BCLAF3: variants seen among roughly 807,000 people sequenced by gnomAD.
BCLAF3 encodes the protein BCLAF1 and THRAP3 family member 3.
In BCLAF3, 24 loss-of-function variants were observed where a neutral mutation model predicts 51.2. The observed-to-expected ratio is 0.47, with a 90% CI of 0.34 to 0.66. The LOEUF is 0.66. BCLAF3 is among the 30% of genes least tolerant of loss of function. The probability of loss-of-function intolerance (pLI) is 0.01; values close to 1 mark genes in which losing one functional copy is unlikely to be tolerated. For synonymous variants in BCLAF3, 152 were observed against 176.6 expected (o/e 0.86, Z 1.10); for missense variants, 465 against 525.1 (o/e 0.89, Z 1.12).
chrX:19,933,450 TAGTTAACAAA>T lies in BCLAF3; in HGVS notation c.1950+2349_1950+2358del, dbSNP rs767099807. Among the ~76,000 whole-genome samples, 546 of 112,469 alleles carry T rather than the reference TAGTTAACAAA, an allele frequency of 4.9e-3. 1 individual carries two copies. Among genetic ancestry groups the T allele is most frequent in the Non-Finnish European group, 8.0e-3 (428 of 53,320 alleles). On this transcript the variant is annotated intron_variant, in intron 10 of 11. Coordinates refer to ENST00000379682, the MANE Select transcript of BCLAF3 (RefSeq NM_001367774.2). ...GCGCAAATGATGTATTACAACGGAATAGTTAACAAAACTAAGCAGATTCTTCTTTTCACAA... is the reference window on the plus strand; with the variant it reads ...GCGCAAATGATGTATTACAACGGAATACTAAGCAGATTCTTCTTTTCACAA...
chrX:19,921,007 G>A (rs2070136514), intron 11 of BCLAF3, among the ~76,000 whole-genome samples: 1 of 111,298 alleles, frequency 9.0e-6, no homozygotes, highest in Non-Finnish European at 1.9e-5. Flanking sequence ...TGGGGCTCAG[G>A]AGGCTATTTC....
chrX:19,978,387 G>T (rs775339455), intron 1 of BCLAF3, among the ~76,000 whole-genome samples: 2 of 111,556 alleles, frequency 1.8e-5, no homozygotes, highest in Non-Finnish European at 3.8e-5. Flanking sequence ...CAACTCTCAC[G>T]GATGATTTTG....
At chrX:19,955,638 G>A in intron 4 of BCLAF3, 72 bp from the exon 5 acceptor site, 4 of 898,541 alleles carry the variant, frequency 4.5e-6, no homozygotes, top group Non-Finnish European at 3.1e-6. Flanking sequence ...CAAAAATTAA[G>A]ATAGCTACAA....
intron 1 of BCLAF3, among the ~76,000 whole-genome samples, chrX:19,983,322 C>A (rs895916594): frequency 1.9e-5 from 2 of 107,000 alleles, no homozygotes; most frequent in Non-Finnish European, 1.9e-5. Flanking sequence ...ACACCTGTAA[C>A]CCCAGCACTT....
At chrX:19,986,327 A>G (rs190187561) in intron 1 of BCLAF3, among the ~76,000 whole-genome samples, 488 of 112,436 alleles carry the variant, frequency 4.3e-3, no homozygotes, top group African/African-American at 0.015. Flanking sequence ...AAAGTTATAA[A>G]GGAAATATCA....
In BCLAF3 at chrX:19,925,779, G is replaced by C. The variant is rs1182641444; in HGVS notation, c.2106+4006C>G. Among the ~76,000 whole-genome samples, 4 of 112,036 alleles carry C rather than the reference G, an allele frequency of 3.6e-5. No homozygotes were observed. The Admixed American group carries it at 3.8e-4, about 11-fold the overall frequency. ...TTTTTTTGAAGGCACGAAGGCCTGA[G>C]ATAAAATGGACTAATAGGTCTAAGC... On this transcript the variant is annotated intron_variant, in intron 11 of 11. Coordinates refer to ENST00000379682, the MANE Select transcript of BCLAF3 (RefSeq NM_001367774.2).
chrX:19,935,877 C>A lies in BCLAF3; in HGVS notation c.1882G>T (p.Asp628Tyr). 8.3e-7 allele frequency: 1 copy of A among 1,208,038 alleles called. No individual in the cohort carries two copies. The highest frequency in any genetic ancestry group is 1.1e-6 in the Non-Finnish European group (1 of 892,501). The change falls in exon 10 of 12, where the codon GAC (aspartate) becomes TAC (tyrosine). Residue 628 changes from aspartate (D) to tyrosine (Y), a missense_variant. By Grantham distance (160) the Asp-to-Tyr change is radical. Coordinates refer to ENST00000379682, the MANE Select transcript of BCLAF3 (RefSeq NM_001367774.2). ...PYMNYTTQRKDIITHKPFEVE... is the reference protein window; with the variant it reads ...PYMNYTTQRKYIITHKPFEVE... ...TCAAATGGTTTGTGAGTAATTATGT[C>A]TTTTCTCTGCGTAGTATAATTCTGC...
intron 11 of BCLAF3, among the ~76,000 whole-genome samples, chrX:19,924,548 G>A (rs1056128918): frequency 9.0e-6 from 1 of 110,758 alleles, no homozygotes; most frequent in Non-Finnish European, 1.9e-5. Flanking sequence ...CGTACTCCAT[G>A]ACTTTCAAGG....
Position 19,941,589 on chromosome X carries a change from T to C in BCLAF3, c.1746-4057A>G, listed in dbSNP as rs1444111064. 5.9e-3 allele frequency among the ~76,000 whole-genome samples: 639 copies of C among 109,123 alleles called. 1 individual carries two copies. The highest frequency in any genetic ancestry group is 9.3e-3 in the Non-Finnish European group (491 of 52,528). The allele number at this position is 109,123 out of a possible 115,157, so 94.8% of individuals were successfully genotyped here. On this transcript the variant is annotated intron_variant, in intron 8 of 11. Transcript: ENST00000379682. ...CAAAGATCAGATAGTTGTAGATATG[T>C]GGCGTTATTTCTGAGGGCTCTGTTC...
intron 11 of BCLAF3, among the ~76,000 whole-genome samples, chrX:19,921,293 G>T (rs185959742): frequency 1.2e-3 from 134 of 111,896 alleles, no homozygotes; most frequent in African/African-American, 4.0e-3. Context: ...AGACTCCAAA[G>T]CTTCCAAAAA....
intron 5 of BCLAF3, chrX:19,954,108 GA>G (rs1427080122): frequency 1.3e-6 from 1 of 752,427 alleles, no homozygotes; most frequent in Non-Finnish European, 1.6e-6. Flanking sequence ...ATTAATCGAA[GA>G]ATTTTCTTTC....
At chrX:19,917,372 A>C (rs770613656) in intron 11 of BCLAF3, 38 bp from the exon 12 acceptor site, 4 of 1,111,861 alleles carry the variant, frequency 3.6e-6, no homozygotes, top group Non-Finnish European at 4.9e-6. Context: ...GACTTCAAAC[A>C]AAGTGTCAAA....
chrX:19,979,526 A>C (rs1015595388), intron 1 of BCLAF3, among the ~76,000 whole-genome samples: 2 of 111,576 alleles, frequency 1.8e-5, no homozygotes, highest in Admixed American at 9.6e-5. Context: ...AAACAAAAAA[A>C]TTGTGTGACT....
At chrX:19,986,794 C>CA (rs2072812920) in intron 1 of BCLAF3, among the ~76,000 whole-genome samples, 1 of 99,753 alleles carries the variant, frequency 1.0e-5, no homozygotes, top group African/African-American at 3.6e-5. Flanking sequence ...AAACTTGAGT[C>CA]GGTTTTTTTT....
At chrX:19,987,398 G>A (rs1281952601) in intron 1 of BCLAF3, among the ~76,000 whole-genome samples, 3 of 111,976 alleles carry the variant, frequency 2.7e-5, no homozygotes, top group African/African-American at 9.7e-5. Flanking sequence ...TCCGCCTCCT[G>A]GGTTCAAGCA....
intron 4 of BCLAF3, among the ~76,000 whole-genome samples, chrX:19,958,939 T>C (rs971895624): frequency 4.5e-5 from 5 of 112,271 alleles, no homozygotes; most frequent in African/African-American, 6.5e-5. Flanking sequence ...CTAGTGGGCC[T>C]CACCAGCCCC....
intron 4 of BCLAF3, among the ~76,000 whole-genome samples, chrX:19,955,968 A>G (rs765492332): frequency 1.8e-4 from 20 of 112,255 alleles, no homozygotes; most frequent in African/African-American, 6.4e-4. Context: ...CACACTTTAA[A>G]AGCTGATATC....
At chrX:19,932,196 A>G (rs776515198) in intron 10 of BCLAF3, among the ~76,000 whole-genome samples, 76 of 112,412 alleles carry the variant, frequency 6.8e-4, no homozygotes, top group South Asian at 1.5e-3. Flanking sequence ...TTTCTCAAGT[A>G]AAAAGGAAAA....
At chrX:19,941,333 T>C (rs1449359673) in intron 8 of BCLAF3, among the ~76,000 whole-genome samples, 6 of 106,490 alleles carry the variant, frequency 5.6e-5, no homozygotes, top group Non-Finnish European at 1.1e-4. Context: ...GTTTTGGACA[T>C]AAAGTCCTTG....
Sources: allele counts gnomAD v4.1 joint callset (sites outside exome capture counted in the v4.1 genomes callset), GRCh38; gene constraint gnomAD v4.1.1; transcripts MANE v1.5; gene names NCBI Gene and HGNC (gene_info 2026-07-23, HGNC 2026-07-21).